OSBPL9: variants seen among roughly 807,000 people sequenced by gnomAD.
OSBPL9 encodes the protein oxysterol-binding protein-related protein 9.
Under a neutral mutation model 106.6 loss-of-function variants are expected in OSBPL9, and 40 were observed. The observed-to-expected ratio is 0.38, with a 90% confidence interval of 0.29 to 0.49. The LOEUF is 0.49. OSBPL9 is among the 20% of genes least tolerant of loss of function. The pLI is 0.97. For missense variants in OSBPL9, 609 were observed against 887.2 expected, an observed-to-expected ratio of 0.69 and a Z score of 3.98; for synonymous variants, 269 against 295.4, an observed-to-expected ratio of 0.91 and a Z score of 0.92.
chr1:51,784,225 G>A, intron 18 of OSBPL9, 39 bp from the exon 19 acceptor site: 1 of 1,593,356 alleles, frequency 6.3e-7, no homozygotes, highest in Non-Finnish European at 8.6e-7. Context: ...GTGGCCACTT[G>A]GCACTACTCA....
At chr1:51,568,473 T>C in the OSBPL9 span, among the ~76,000 whole-genome samples, 1 of 152,230 alleles carries the variant, frequency 6.6e-6, no homozygotes, top group Non-Finnish European at 1.5e-5. Flanking sequence ...GAGGGAACTC[T>C]AGAGATCATC....
intron 3 of OSBPL9, among the ~76,000 whole-genome samples, chr1:51,691,887 A>G (rs1006173043): frequency 1.1e-4 from 17 of 152,150 alleles, no homozygotes; most frequent in Admixed American, 1.1e-3. Context: ...TTCAGGGGCA[A>G]TAACAGGCAT....
intron 1 of OSBPL9, among the ~76,000 whole-genome samples, chr1:51,595,209 C>T (rs374173178): frequency 9.2e-5 from 14 of 152,162 alleles, no homozygotes; most frequent in Non-Finnish European, 1.2e-4. Context: ...GTTAAGGGAG[C>T]GGCAGGGGAG....
At position 51,588,974 on chromosome 1, in the gene OSBPL9, G is replaced by A. The variant is rs540813433; in HGVS notation, c.-422-9150G>A. On this transcript the variant is annotated intron_variant, in intron 1 of 25. Transcript: ENST00000371714. ...GAGGAGAGAGAAAAACGGAGAGACAGAGAGAGATAGTAAGCATGCAAAGGC... is the reference window on the plus strand; with the variant it reads ...GAGGAGAGAGAAAAACGGAGAGACAAAGAGAGATAGTAAGCATGCAAAGGC... Among the ~76,000 whole-genome samples, 5 of 152,316 alleles carry A rather than the reference G, an allele frequency of 3.3e-5. No homozygotes were observed. In the East Asian group the frequency reaches 9.6e-4, roughly 29 times the overall value.
At position 51,654,698 on chromosome 1, in the gene OSBPL9, TAA is replaced by T. The variant is rs996404262; in HGVS notation, c.162+2659_162+2660del. Among the ~76,000 whole-genome samples the T allele has an allele frequency of 4.7e-4, 71 of 152,242 alleles. 1 individual carries two copies. The highest frequency in any genetic ancestry group is 1.7e-3 in the African/African-American group (69 of 41,520). On this transcript the variant is annotated intron_variant, in intron 2 of 23. Transcript: ENST00000428468. The stretch of plus-strand genomic sequence containing the variant: ...ATGAATGGATAAAAAATGTGGTATA[TAA>T]ATACAGTCTATTATTATTATTATTA...
chr1:51,663,201 T>C (rs1319791436), intron 2 of OSBPL9, among the ~76,000 whole-genome samples: 1 of 152,192 alleles, frequency 6.6e-6, no homozygotes, highest in Admixed American at 6.5e-5. Flanking sequence ...TAAAACATTA[T>C]TGAAATTTAA....
At chr1:51,752,250 C>T (rs1462534662) in intron 8 of OSBPL9, among the ~76,000 whole-genome samples, 1 of 151,344 alleles carries the variant, frequency 6.6e-6, no homozygotes, top group Non-Finnish European at 1.5e-5. Context: ...CACCCCCGCC[C>T]CCGGCTTTAG....
chr1:51,629,821 C>T (rs1430232463), intron 1 of OSBPL9, among the ~76,000 whole-genome samples: 4 of 151,826 alleles, frequency 2.6e-5, no homozygotes, highest in South Asian at 2.1e-4. Flanking sequence ...TGGTGGTGTG[C>T]GCCTGTAGTC....
chr1:51,548,957 A>T, the OSBPL9 span, among the ~76,000 whole-genome samples: 1 of 152,200 alleles, frequency 6.6e-6, no homozygotes, highest in Non-Finnish European at 1.5e-5. Context: ...ATAAATCACC[A>T]TCCACACCAG....
chr1:51,655,021 C>T (rs1278229271), intron 2 of OSBPL9, among the ~76,000 whole-genome samples: 2 of 152,110 alleles, frequency 1.3e-5, no homozygotes, highest in Non-Finnish European at 2.9e-5. Flanking sequence ...ACATCATGAA[C>T]AATGTGAATG....
chr1:51,528,126 A>C, the OSBPL9 span, among the ~76,000 whole-genome samples: 4 of 151,882 alleles, frequency 2.6e-5, no homozygotes, highest in African/African-American at 9.7e-5. Flanking sequence ...ACTCTGTCCC[A>C]AAAAAAACCA....
chr1:51,546,226 A>C, the OSBPL9 span, among the ~76,000 whole-genome samples: 1 of 152,074 alleles, frequency 6.6e-6, no homozygotes, highest in Non-Finnish European at 1.5e-5. Context: ...CATGTTGCCC[A>C]GGCTGGTCTC....
chr1:51,746,718 T>C lies in OSBPL9; in HGVS notation c.423T>C (p.Asp141=), dbSNP rs1386684231. The C allele has an allele frequency of 1.9e-6, 3 of 1,608,854 alleles. No individual in the cohort carries two copies. The highest frequency in any genetic ancestry group is 2.7e-5 in the African/African-American group (2 of 74,694). ...TTTTTAAAATCTTGTAGCTTTTTGA[T>C]GACAAGCTTCAAAACTGCAAAGAAG... The part of the protein sequence containing the change: ...QILIEQLKLF[D]DKLQNCKEDE... Residue 141 remains aspartate, a synonymous_variant, in exon 6 of 24, where the codon GAT becomes GAC. Coordinates refer to ENST00000428468, the MANE Select transcript of OSBPL9 (RefSeq NM_024586.6).
chr1:51,744,243 T>C (rs574516502), intron 4 of OSBPL9, among the ~76,000 whole-genome samples: 9 of 152,192 alleles, frequency 5.9e-5, no homozygotes, highest in African/African-American at 1.9e-4. Flanking sequence ...TAGTAATTGA[T>C]AGTGTCATTA....
At chr1:51,776,540 G>T (rs922562193) in intron 14 of OSBPL9, among the ~76,000 whole-genome samples, 1 of 152,174 alleles carries the variant, frequency 6.6e-6, no homozygotes, top group Non-Finnish European at 1.5e-5. Context: ...TGAGTTTGTT[G>T]AGTAGTTTGT....
At chr1:51,736,872 G>A (rs999938117) in intron 4 of OSBPL9, among the ~76,000 whole-genome samples, 1 of 152,168 alleles carries the variant, frequency 6.6e-6, no homozygotes, top group Non-Finnish European at 1.5e-5. Flanking sequence ...GATACTGCAA[G>A]TAGCCTAACC....
At chr1:51,706,011 T>TA (rs1294254601) in intron 3 of OSBPL9, among the ~76,000 whole-genome samples, 10 of 152,240 alleles carry the variant, frequency 6.6e-5, no homozygotes, top group Non-Finnish European at 1.0e-4. Context: ...TTTATTCTGT[T>TA]AGATTTGCCT....
intron 4 of OSBPL9, among the ~76,000 whole-genome samples, chr1:51,718,289 TAACAC>T (rs536091062): frequency 3.3e-4 from 51 of 152,260 alleles, no homozygotes; most frequent in South Asian, 2.1e-3. Context: ...ATCTACTTGA[TAACAC>T]AACAGGGTGA....
chr1:51,596,092 A>G (rs1307837145), intron 1 of OSBPL9, among the ~76,000 whole-genome samples: 2 of 151,898 alleles, frequency 1.3e-5, no homozygotes, highest in Non-Finnish European at 2.9e-5. Flanking sequence ...CCCCATCTCT[A>G]CTAAGAAATA....
Sources: allele counts gnomAD v4.1 joint callset (sites outside exome capture counted in the v4.1 genomes callset), GRCh38; gene constraint gnomAD v4.1.1; transcripts MANE v1.5; gene names NCBI Gene and HGNC (gene_info 2026-07-23, HGNC 2026-07-21).